ALCAM: variants seen among roughly 807,000 people sequenced by gnomAD.
ALCAM encodes CD166 antigen.
ALCAM carries 30 observed loss-of-function variants against 70.9 expected under a neutral mutation model. That is an observed-to-expected ratio of 0.42 (90% CI 0.32 to 0.57). The LOEUF is 0.57. ALCAM is among the 20% of genes least tolerant of loss of function. ALCAM has a pLI of 0.11. For synonymous variants in ALCAM, 249 were observed against 242.5 expected, an observed-to-expected ratio of 1.03 and a Z score of -0.25; for missense variants, 591 against 695.1, an observed-to-expected ratio of 0.85 and a Z score of 1.68.
At chr3:105,563,978 C>A in intron 14 of ALCAM, among the ~76,000 whole-genome samples, 1 of 151,988 alleles carries the variant, frequency 6.6e-6, no homozygotes, top group Admixed American at 6.5e-5. Flanking sequence ...TGAGCCACCG[C>A]GCCCGGCCCA....
chr3:105,401,985 G>GA (rs34168213), intron 1 of ALCAM, among the ~76,000 whole-genome samples: 3 of 151,554 alleles, frequency 2.0e-5, no homozygotes, highest in East Asian at 2.0e-4. Flanking sequence ...ACGACTGCTT[G>GA]AAAAAAACAG....
chr3:105,562,813 T>G (rs1198510038), intron 14 of ALCAM, among the ~76,000 whole-genome samples: 9 of 152,082 alleles, frequency 5.9e-5, no homozygotes, highest in Admixed American at 2.0e-4. Flanking sequence ...AATTCATTTT[T>G]TTTCTGTTTA....
intron 1 of ALCAM, among the ~76,000 whole-genome samples, chr3:105,465,478 G>T (rs1430171343): frequency 6.6e-6 from 1 of 151,364 alleles, no homozygotes; most frequent in African/African-American, 2.4e-5. Flanking sequence ...TAATAGTAAG[G>T]ATTGAAGGAA....
intron 2 of ALCAM, among the ~76,000 whole-genome samples, chr3:105,521,307 C>CAAAAAAAAA (rs3996196): frequency 3.8e-5 from 3 of 78,148 alleles, no homozygotes; most frequent in African/African-American, 5.4e-5. Flanking sequence ...GACTCCGTCT[C>CAAAAAAAAA]AAAAAAAAAA....
chr3:105,535,536 T>C (rs1009236995), intron 6 of ALCAM, among the ~76,000 whole-genome samples: 1 of 152,158 alleles, frequency 6.6e-6, no homozygotes, highest in African/African-American at 2.4e-5. Flanking sequence ...TTAATTACTC[T>C]ACATCTCAGT....
chr3:105,426,062 A>G (rs529816488), intron 1 of ALCAM, among the ~76,000 whole-genome samples: 17 of 151,934 alleles, frequency 1.1e-4, no homozygotes, highest in South Asian at 2.1e-4. Flanking sequence ...TGTCTAGTCT[A>G]TGTTTCACAT....
intron 1 of ALCAM, among the ~76,000 whole-genome samples, chr3:105,414,014 T>C (rs1335906666): frequency 6.6e-6 from 1 of 152,068 alleles, no homozygotes; most frequent in Non-Finnish European, 1.5e-5. Context: ...GTTAATAAAT[T>C]AGATATAGTT....
intron 1 of ALCAM, among the ~76,000 whole-genome samples, chr3:105,484,204 T>A (rs1367014976): frequency 6.6e-6 from 1 of 151,434 alleles, no homozygotes; most frequent in African/African-American, 2.4e-5. Flanking sequence ...ACTGAAATAG[T>A]ACAACTAGGA....
At chr3:105,400,667 A>G (rs1936065099) in intron 1 of ALCAM, among the ~76,000 whole-genome samples, 1 of 152,192 alleles carries the variant, frequency 6.6e-6, no homozygotes, top group Non-Finnish European at 1.5e-5. Context: ...AAGAAATACT[A>G]AACACTCAAG....
chr3:105,375,412 C>T (rs1007502547), intron 1 of ALCAM, among the ~76,000 whole-genome samples: 14 of 152,096 alleles, frequency 9.2e-5, no homozygotes, highest in African/African-American at 3.4e-4. Context: ...TATTTTTAAC[C>T]CATTTAAATT....
chr3:105,539,571 G>A (rs1255091931), intron 6 of ALCAM, among the ~76,000 whole-genome samples: 5 of 151,896 alleles, frequency 3.3e-5, no homozygotes, highest in African/African-American at 9.7e-5. Flanking sequence ...GAGTACAGTG[G>A]CATCTAATAG....
chr3:105,410,482 A>T (rs1202208909), intron 1 of ALCAM, among the ~76,000 whole-genome samples: 4 of 151,944 alleles, frequency 2.6e-5, no homozygotes, highest in Non-Finnish European at 5.9e-5. Context: ...CTGAGTGTTT[A>T]TGTAGTTATG....
intron 3 of ALCAM, among the ~76,000 whole-genome samples, chr3:105,528,197 G>C (rs537530763): frequency 2.6e-5 from 4 of 152,316 alleles, no homozygotes; most frequent in African/African-American, 9.6e-5. Flanking sequence ...GAGTCATACA[G>C]AGCAGTTGTG....
intron 6 of ALCAM, among the ~76,000 whole-genome samples, chr3:105,538,973 A>G (rs1371386673): frequency 3.3e-5 from 5 of 152,084 alleles, no homozygotes; most frequent in Admixed American, 1.3e-4. Flanking sequence ...ACCGCAAGAG[A>G]TAGAACAAAG....
At chr3:105,459,988 A>G (rs931722201) in intron 1 of ALCAM, among the ~76,000 whole-genome samples, 1 of 152,068 alleles carries the variant, frequency 6.6e-6, no homozygotes, top group South Asian at 2.1e-4. Context: ...ATGACAAAAA[A>G]GTATAGAAAA....
In ALCAM at chr3:105,534,216, G is replaced by A. The variant is rs992240173; in HGVS notation, c.548-447G>A. 4.6e-5 allele frequency among the ~76,000 whole-genome samples: 7 copies of A among 152,226 alleles called. No individual in the cohort carries two copies. In the South Asian group the frequency reaches 6.2e-4, roughly 14 times the overall value. On this transcript the variant is annotated intron_variant, in intron 5 of 15. Coordinates refer to ENST00000306107, the MANE Select transcript of ALCAM (RefSeq NM_001627.4). ...AAGAAGCTTCTTGTGGTTGCCCACC[G>A]CTCACCTCCTGCTGTTTGCACCCAT...
chr3:105,434,866 A>G (rs991022113), intron 1 of ALCAM, among the ~76,000 whole-genome samples: 1 of 152,186 alleles, frequency 6.6e-6, no homozygotes, highest in Non-Finnish European at 1.5e-5. Flanking sequence ...TTATACATGT[A>G]TATGTAAACT....
rs542271331 is a variant in ALCAM at position 105,407,131 on chromosome 3, A to G, written c.73+39650A>G. Among the ~76,000 whole-genome samples, 14 of 152,282 alleles carry G rather than the reference A, an allele frequency of 9.2e-5. No individual in the cohort carries two copies. In the South Asian group the frequency reaches 2.7e-3, roughly 29 times the overall value. ...ACAGCTGAATTCTATTAGACATTCA[A>G]AGAATTGGCACCAATCCTAATGACA... On this transcript the variant is annotated intron_variant, in intron 1 of 15. Transcript: ENST00000306107.
intron 14 of ALCAM, among the ~76,000 whole-genome samples, chr3:105,569,998 T>C (rs916655075): frequency 2.0e-5 from 3 of 152,122 alleles, no homozygotes; most frequent in Non-Finnish European, 4.4e-5. Context: ...AATAACCTGA[T>C]AGAATTGTGT....
Sources: allele counts gnomAD v4.1 joint callset (sites outside exome capture counted in the v4.1 genomes callset), GRCh38; gene constraint gnomAD v4.1.1; transcripts MANE v1.5; gene names NCBI Gene and HGNC (gene_info 2026-07-23, HGNC 2026-07-21).